The following SLC3A2 variants were observed in gnomAD, a reference collection of about 807,000 sequenced individuals.
SLC3A2 encodes amino acid transporter heavy chain SLC3A2.
SLC3A2 carries 32 observed loss-of-function variants against 48.5 expected under a neutral mutation model. The ratio of observed to expected loss-of-function variants is 0.66; its 90% CI spans 0.50 to 0.89. The LOEUF (loss-of-function observed/expected upper bound fraction) is 0.89, where lower values mean the gene tolerates loss of function less well. SLC3A2 is among the 40% of genes least tolerant of loss of function. The probability of loss-of-function intolerance (pLI) is 0.00; values close to 1 mark genes in which losing one functional copy is unlikely to be tolerated. For missense variants in SLC3A2, 587 were observed against 680.7 expected, an observed-to-expected ratio of 0.86 and a Z score of 1.53; for synonymous variants, 277 against 288.8, an observed-to-expected ratio of 0.96 and a Z score of 0.41.
chr11:62,881,093 A>G lies in SLC3A2; in HGVS notation c.70A>G (p.Met24Val). 2 of 1,609,716 alleles carry G rather than the reference A, an allele frequency of 1.2e-6. No individual in the cohort carries two copies. The highest frequency in any genetic ancestry group is 1.1e-5 in the South Asian group (1 of 90,048). The change falls in exon 1 of 9, where the codon ATG becomes GTG. Residue 24 changes from methionine to valine, a missense_variant. This residue lies in a region of SLC3A2 where 409 missense variants were observed against 446.7 expected (regional missense o/e 0.92). Coordinates refer to ENST00000338663, the MANE Select transcript of SLC3A2 (RefSeq NM_001013251.3). This position sits in a 1 kb window ranked among gnomAD's most constrained non-coding sequence, Gnocchi z 4.0. ...LNELEPEKQP[M>V]NAASGAAMSL... The stretch of plus-strand genomic sequence containing the variant: ...TGAGTTAGAGCCCGAGAAGCAGCCG[A>G]TGAACGCGGCGTCTGGGGCGGCCAT...
intron 1 of SLC3A2, among the ~76,000 whole-genome samples, chr11:62,858,528 G>C (rs913205660): frequency 6.6e-6 from 1 of 152,144 alleles, no homozygotes; most frequent in Non-Finnish European, 1.5e-5. Context: ...TGAAGGGGTG[G>C]GTTGCCCCTC....
intron 1 of SLC3A2, among the ~76,000 whole-genome samples, chr11:62,873,745 C>T (rs1024947946): frequency 3.3e-5 from 5 of 152,060 alleles, no homozygotes; most frequent in Admixed American, 1.3e-4. Context: ...AAATTACAGG[C>T]GTGAGCCATG....
At chr11:62,860,371 G>T (rs1478144218) in intron 1 of SLC3A2, among the ~76,000 whole-genome samples, 1 of 151,874 alleles carries the variant, frequency 6.6e-6, no homozygotes, top group African/African-American at 2.4e-5. Flanking sequence ...CGGGTGTGAT[G>T]GCGTGCGCCT....
chr11:62,883,568 G>A (rs186364533), intron 3 of SLC3A2: 124 of 205,352 alleles, frequency 6.0e-4, no homozygotes, highest in African/African-American at 2.7e-3. Context: ...ACACTGACCT[G>A]TTCAGAATGG....
At chr11:62,856,205 C>T in exon 1 of SLC3A2, 1 of 1,338,380 alleles carries the variant, frequency 7.5e-7, no homozygotes, top group Non-Finnish European at 1.0e-6. Context: ...ACTGCCTACC[C>T]TCTAACCCTG....
upstream of SLC3A2, among the ~76,000 whole-genome samples, chr11:62,877,993 C>T (rs542825483): frequency 6.6e-6 from 1 of 152,202 alleles, no homozygotes; most frequent in East Asian, 1.9e-4. Flanking sequence ...CCTGTCTCTC[C>T]TAAAAATACA....
chr11:62,881,656 G>C lies in SLC3A2; in HGVS notation c.424+209G>C. 1.1e-6 allele frequency: 1 copy of C among 901,674 alleles called. No homozygotes were observed. The highest frequency in any genetic ancestry group is 1.8e-5 in the South Asian group (1 of 55,658). The allele number at this position is 901,674 out of a possible 1,614,324, so 55.9% of individuals were successfully genotyped here. A position where few individuals can be genotyped will look rare whatever the true frequency, so the allele number is the denominator to read the frequency against. ...GACCCGCCCCTCACTCCGTCACGAGGGTGGGTGACTCAGCGTCCTCCTTCC... is the reference window on the plus strand; with the variant it reads ...GACCCGCCCCTCACTCCGTCACGAGCGTGGGTGACTCAGCGTCCTCCTTCC... On this transcript the variant is annotated intron_variant, in intron 1 of 8. Coordinates refer to ENST00000338663, the MANE Select transcript of SLC3A2 (RefSeq NM_001013251.3). This position sits in a 1 kb window ranked among gnomAD's most constrained non-coding sequence, Gnocchi z 4.0.
chr11:62,868,553 G>A (rs923415758), intron 1 of SLC3A2, among the ~76,000 whole-genome samples: 3 of 151,808 alleles, frequency 2.0e-5, no homozygotes, highest in Non-Finnish European at 1.5e-5. Context: ...TTTTAGTGGA[G>A]ACGGGGTTTC....
At chr11:62,856,177 C>A in exon 1 of SLC3A2, 2 of 1,010,300 alleles carry the variant, frequency 2.0e-6, no homozygotes, top group Non-Finnish European at 1.4e-6. Context: ...TCACGGCGAT[C>A]CTGGACTGAC....
intron 1 of SLC3A2, among the ~76,000 whole-genome samples, chr11:62,871,162 G>A (rs1344648393): frequency 1.3e-5 from 2 of 151,218 alleles, no homozygotes; most frequent in African/African-American, 2.4e-5. Context: ...GATTACAGGC[G>A]TGAGCCATTG....
chr11:62,869,637 C>T (rs2085490779), intron 1 of SLC3A2, among the ~76,000 whole-genome samples: 1 of 149,118 alleles, frequency 6.7e-6, no homozygotes, highest in Admixed American at 6.7e-5. Context: ...GTTTCATCTA[C>T]TTTGTTAGCT....
Position 62,882,961 on chromosome 11 carries a change from T to G in SLC3A2, c.652T>G (p.Phe218Val). The G allele has an allele frequency of 6.2e-7, 1 of 1,614,218 alleles. No homozygotes were observed. ...CAACTACCGGGGTGAGAACTCGTGGTTCTCCACTCAGGTTGACACTGTGGC... is the reference window on the plus strand; with the variant it reads ...CAACTACCGGGGTGAGAACTCGTGGGTCTCCACTCAGGTTGACACTGTGGC... ...TPNYRGENSW[F>V]STQVDTVATK... is the part of the protein sequence containing the mutation. Residue 218 changes from phenylalanine to valine, a missense_variant, in exon 3 of 9, where the codon TTC becomes GTC. This residue lies in a region of SLC3A2 where 409 missense variants were observed against 446.7 expected (regional missense o/e 0.92). Transcript: ENST00000338663.
At chr11:62,883,072 T>C (rs888651048) in intron 3 of SLC3A2, 73 bp downstream of exon 3, 1 of 1,403,958 alleles carries the variant, frequency 7.1e-7, no homozygotes, top group Non-Finnish European at 1.0e-6. Context: ...GCAAGCCCTG[T>C]AGACCCAGCC....
At chr11:62,882,293 G>A in intron 2 of SLC3A2, 1 of 523,484 alleles carries the variant, frequency 1.9e-6, no homozygotes, top group Admixed American at 3.3e-5. Context: ...GGGCTTCAGT[G>A]CCCTTATTTG....
At chr11:62,884,811 AGCTTTTTTTTTT>A in intron 5 of SLC3A2, 121 bp downstream of exon 5, 1 of 88,568 alleles carries the variant, frequency 1.1e-5, no homozygotes, top group Non-Finnish European at 2.0e-5. Flanking sequence ...TTCTTTCTTT[AGCTTTTTTTTTT>A]TTTTTTTTTT....
chr11:62,872,122 A>G (rs942217180), intron 1 of SLC3A2, among the ~76,000 whole-genome samples: 4 of 152,136 alleles, frequency 2.6e-5, no homozygotes, highest in Middle Eastern at 3.4e-3. Context: ...TCACCATGTT[A>G]GCCAGGATGG....
In SLC3A2 at chr11:62,881,446, G is replaced by A. The variant is rs753265539; in HGVS notation, c.423G>A (p.Ala141=). 2.0e-5 allele frequency: 31 copies of A among 1,580,852 alleles called. No homozygotes were observed. In the South Asian group the frequency reaches 2.9e-4, roughly 15 times the overall value. ...AFQGHGAGNL[A]GLKGRLDYLS... ...AGGGCCACGGCGCGGGCAACCTGGC[G>A]GGTGAGTGCAGCGCGCCCCCGTCCC... The change falls in exon 1 of 9, where the codon GCG becomes GCA. Residue 141 remains alanine (A), a splice_region_variant and synonymous_variant. Coordinates refer to ENST00000338663, the MANE Select transcript of SLC3A2 (RefSeq NM_001013251.3). This position sits in a 1 kb window ranked among gnomAD's most constrained non-coding sequence, Gnocchi z 4.0.
chr11:62,888,664 C>A lies in SLC3A2; in HGVS notation c.1561C>A (p.Leu521Met). The A allele has an allele frequency of 6.2e-7, 1 of 1,601,000 alleles. No individual in the cohort carries two copies. The highest frequency in any genetic ancestry group is 8.5e-7 in the Non-Finnish European group (1 of 1,178,398). The change falls in exon 9 of 9, where the codon CTG (leucine) becomes ATG (methionine). Residue 521 changes from leucine (L) to methionine (M), a missense_variant. Around this residue, in one of 3 missense-constraint regions of SLC3A2, gnomAD observed 169 missense variants for 204.4 expected, o/e 0.83. Coordinates refer to ENST00000338663, the MANE Select transcript of SLC3A2 (RefSeq NM_001013251.3). ...CCTGAAACTGGAGCCTCACGAAGGG[C>A]TGCTGCTCCGCTTCCCCTACGCGGC... ...ERLKLEPHEGLLLRFPYAA is the reference protein window; with the variant it reads ...ERLKLEPHEGMLLRFPYAA
At chr11:62,863,201 G>A (rs993363083) in intron 1 of SLC3A2, among the ~76,000 whole-genome samples, 1 of 152,068 alleles carries the variant, frequency 6.6e-6, no homozygotes, top group African/African-American at 2.4e-5. Flanking sequence ...GATTACAGGC[G>A]TGAGCCACCA....
Sources: gnomAD v4.1 joint callset for allele counts (sites outside exome capture counted in the v4.1 genomes callset) on GRCh38, gnomAD v4.1.1 for gene constraint, gnomAD v4.1.1 regional missense constraint, Gnocchi (gnomAD v3.1) non-coding constraint, MANE v1.5 for transcripts, NCBI Gene and HGNC (gene_info 2026-07-23, HGNC 2026-07-21) for gene names.